The following PRELID2 variants were observed in gnomAD, a reference collection of about 807,000 sequenced individuals.
PRELID2 encodes the protein PRELI domain-containing protein 2.
A neutral mutation model predicts 28.4 loss-of-function variants in PRELID2; 25 were observed. That is an observed-to-expected ratio of 0.88 (90% CI 0.64 to 1.23). The LOEUF is 1.23. Among genes scored for constraint, PRELID2 ranks in the 50% most tolerant of loss-of-function variants. The pLI, the probability that PRELID2 is intolerant of heterozygous loss-of-function variation, is 0.00. For missense variants in PRELID2, 201 were observed against 214.4 expected (o/e 0.94, Z 0.39); for synonymous variants, 76 against 71.6 (o/e 1.06, Z -0.31).
At chr5:145,662,734 C>T (rs1195331261) in intron 1 of PRELID2, among the ~76,000 whole-genome samples, 3 of 152,090 alleles carry the variant, frequency 2.0e-5, no homozygotes, top group Non-Finnish European at 2.9e-5. Flanking sequence ...GCCCCATTGT[C>T]TGTAATTCTC....
At chr5:145,714,587 A>C (rs1341686506) in intron 1 of PRELID2, among the ~76,000 whole-genome samples, 2 of 152,190 alleles carry the variant, frequency 1.3e-5, no homozygotes, top group East Asian at 3.9e-4. Flanking sequence ...GTTCCTATTA[A>C]GTGCTAAGTA....
the PRELID2 span, among the ~76,000 whole-genome samples, chr5:145,442,525 G>A: frequency 5.3e-5 from 8 of 152,016 alleles, no homozygotes; most frequent in African/African-American, 1.9e-4. Flanking sequence ...GCTGGGTCAA[G>A]GGGTGTCACC....
Position 145,695,025 on chromosome 5 carries a change from C to T in PRELID2, n.70+69906G>A, listed in dbSNP as rs770249143. Among the ~76,000 whole-genome samples, 9 of 152,276 alleles carry T rather than the reference C, an allele frequency of 5.9e-5. No individual in the cohort carries two copies. In the East Asian group the frequency reaches 7.7e-4, roughly 13 times the overall value. ...ATGTCAGGTCCTCGGCTGGTTACTACGGATTCAGTAGTGTCCCAAAAAGTC... is the reference window on the plus strand; with the variant it reads ...ATGTCAGGTCCTCGGCTGGTTACTATGGATTCAGTAGTGTCCCAAAAAGTC... On this transcript the variant is annotated intron_variant and non_coding_transcript_variant, in intron 1 of 2. Transcript: ENST00000510259.
chr5:145,649,997 A>G (rs1338480277), intron 1 of PRELID2, among the ~76,000 whole-genome samples: 1 of 152,198 alleles, frequency 6.6e-6, no homozygotes, highest in Non-Finnish European at 1.5e-5. Context: ...AATGTAGAAA[A>G]TATCTGAGAC....
At chr5:145,768,223 C>CAAA (rs35135521) in intron 5 of PRELID2, among the ~76,000 whole-genome samples, 10 of 80,736 alleles carry the variant, frequency 1.2e-4, no homozygotes, top group South Asian at 4.4e-4. Context: ...GACTCTGTCT[C>CAAA]AAAAAAAAAA....
At chr5:145,543,735 T>G (rs1376218667) in intron 1 of PRELID2, among the ~76,000 whole-genome samples, 1 of 152,000 alleles carries the variant, frequency 6.6e-6, no homozygotes, top group Admixed American at 6.6e-5. Flanking sequence ...GGCATTTTTT[T>G]CCCCCTCCAA....
At chr5:145,460,334 G>C in the PRELID2 span, among the ~76,000 whole-genome samples, 1 of 152,154 alleles carries the variant, frequency 6.6e-6, no homozygotes, top group Non-Finnish European at 1.5e-5. Flanking sequence ...AGTTGCTATA[G>C]TAGTAAGATA....
intron 4 of PRELID2, among the ~76,000 whole-genome samples, chr5:145,808,805 G>T (rs1753725985): frequency 6.6e-6 from 1 of 152,034 alleles, no homozygotes; most frequent in South Asian, 2.1e-4. Flanking sequence ...AATTGCTTGA[G>T]CCCCGAAGTT....
At chr5:145,328,842 T>C in the PRELID2 span, among the ~76,000 whole-genome samples, 1 of 152,194 alleles carries the variant, frequency 6.6e-6, no homozygotes, top group African/African-American at 2.4e-5. Flanking sequence ...AGTCATGAAG[T>C]CTTTTCCCAT....
the PRELID2 span, among the ~76,000 whole-genome samples, chr5:145,324,971 G>A: frequency 2.0e-5 from 3 of 152,164 alleles, no homozygotes. Flanking sequence ...GAATGAGTAA[G>A]CATTTCTGAA....
the PRELID2 span, among the ~76,000 whole-genome samples, chr5:145,296,923 T>A: frequency 5.9e-5 from 9 of 152,240 alleles, no homozygotes; most frequent in African/African-American, 2.2e-4. Context: ...GGTTTTGATT[T>A]GCATTTCTCT....
chr5:145,250,601 T>C, the PRELID2 span, among the ~76,000 whole-genome samples: 1 of 152,104 alleles, frequency 6.6e-6, no homozygotes, highest in East Asian at 1.9e-4. Flanking sequence ...GAGACTTAGA[T>C]AGATGGTCTA....
At chr5:145,577,367 AAAC>A (rs1753069717) in intron 1 of PRELID2, among the ~76,000 whole-genome samples, 1 of 152,168 alleles carries the variant, frequency 6.6e-6, no homozygotes, top group Non-Finnish European at 1.5e-5. Context: ...GAAATGAAGA[AAAC>A]AATAAATGAT....
the PRELID2 span, among the ~76,000 whole-genome samples, chr5:145,427,503 A>T: frequency 6.6e-6 from 1 of 152,192 alleles, no homozygotes; most frequent in Non-Finnish European, 1.5e-5. Flanking sequence ...GAGAGCGCAG[A>T]ATCAGTGATC....
chr5:145,785,646 A>T (rs1475588170), intron 5 of PRELID2, among the ~76,000 whole-genome samples: 1 of 152,190 alleles, frequency 6.6e-6, no homozygotes, highest in African/African-American at 2.4e-5. Context: ...AAAATTGCAA[A>T]TTTTCACTGG....
chr5:145,255,648 G>C, the PRELID2 span, among the ~76,000 whole-genome samples: 1 of 151,888 alleles, frequency 6.6e-6, no homozygotes, highest in African/African-American at 2.4e-5. Flanking sequence ...AGGCATGGTG[G>C]TGTGTACCTA....
intron 1 of PRELID2, among the ~76,000 whole-genome samples, chr5:145,566,117 C>A (rs1013774080): frequency 1.3e-5 from 2 of 152,216 alleles, no homozygotes; most frequent in African/African-American, 4.8e-5. Context: ...CTATACCACG[C>A]AGGTTACTAA....
the PRELID2 span, among the ~76,000 whole-genome samples, chr5:145,378,751 C>T: frequency 6.6e-6 from 1 of 152,020 alleles, no homozygotes; most frequent in Non-Finnish European, 1.5e-5. Context: ...ATTCAACAAT[C>T]TTCATTTCTA....
At chr5:145,714,463 A>G (rs1626062) in intron 1 of PRELID2, among the ~76,000 whole-genome samples, 27,971 of 151,940 alleles carry the variant, frequency 0.18, 2,994 homozygotes, top group African/African-American at 0.29. Context: ...CTTTGAAAAT[A>G]AGAATCAAAT....
Sources: allele counts gnomAD v4.1 joint callset (sites outside exome capture counted in the v4.1 genomes callset), GRCh38; gene constraint gnomAD v4.1.1; transcripts MANE v1.5; gene names NCBI Gene and HGNC (gene_info 2026-07-23, HGNC 2026-07-21).